The following NAALADL2 variants were observed in gnomAD, a reference collection of about 807,000 sequenced individuals.
NAALADL2 encodes the protein inactive N-acetylated-alpha-linked acidic dipeptidase-like protein 2.
A neutral mutation model predicts 87.2 loss-of-function variants in NAALADL2; 76 were observed. The observed-to-expected ratio is 0.87, with a 90% CI of 0.72 to 1.05. The LOEUF (loss-of-function observed/expected upper bound fraction) is 1.05, where lower values mean the gene tolerates loss of function less well. Among genes scored for constraint, NAALADL2 ranks in the 50% least tolerant of loss-of-function variants. The pLI is 0.00. For synonymous variants in NAALADL2, 354 were observed against 331.0 expected (o/e 1.07, Z -0.75); for missense variants, 1,089 against 945.8 (o/e 1.15, Z -1.99).
rs1581410892 is a variant in NAALADL2 at position 175,321,908 on chromosome 3, C to T, written c.940-2267C>T. Among the ~76,000 whole-genome samples the T allele has an allele frequency of 3.3e-4, 48 of 145,650 alleles. No homozygotes were observed. In the South Asian group the frequency reaches 0.011, roughly 33 times the overall value. On this transcript the variant is annotated intron_variant, in intron 4 of 13. Coordinates refer to ENST00000454872, the MANE Select transcript of NAALADL2 (RefSeq NM_207015.3). ...AATCAATATCGTGAAAATGGCCATACTGCCCAAGGTAATTTACAGATTCAA... is the reference window on the plus strand; with the variant it reads ...AATCAATATCGTGAAAATGGCCATATTGCCCAAGGTAATTTACAGATTCAA...
chr3:175,219,076 G>A (rs1050412983), intron 2 of NAALADL2, among the ~76,000 whole-genome samples: 1 of 151,908 alleles, frequency 6.6e-6, no homozygotes, highest in African/African-American at 2.4e-5. Flanking sequence ...TTTTACTCTT[G>A]TGAGTAATGT....
rs140114964 is a variant in NAALADL2 at position 175,677,808 on chromosome 3, T to C, written c.1896+50422T>C. 1.2e-3 allele frequency among the ~76,000 whole-genome samples: 179 copies of C among 152,336 alleles called. 1 individual carries two copies. The East Asian group carries it at 0.034, about 29-fold the overall frequency. ...AAGTGAAGGAGCGAGTTTATGAATT[T>C]AATGATTATAGATGGCCAATCTGAA... On this transcript the variant is annotated intron_variant, in intron 11 of 13. Coordinates refer to ENST00000454872, the MANE Select transcript of NAALADL2 (RefSeq NM_207015.3).
chr3:175,387,466 C>A (rs1179509599), intron 5 of NAALADL2, among the ~76,000 whole-genome samples: 1 of 152,036 alleles, frequency 6.6e-6, no homozygotes, highest in East Asian at 1.9e-4. Context: ...TACATTACTT[C>A]TCTAGCAACC....
At chr3:175,717,311 C>T (rs1403190710) in intron 11 of NAALADL2, among the ~76,000 whole-genome samples, 1 of 152,106 alleles carries the variant, frequency 6.6e-6, no homozygotes, top group African/African-American at 2.4e-5. Context: ...ATTTTGAATC[C>T]TTCACTAAAT....
chr3:174,465,322 T>C (rs1577967642), intron 1 of NAALADL2, among the ~76,000 whole-genome samples: 1 of 152,144 alleles, frequency 6.6e-6, no homozygotes, highest in Non-Finnish European at 1.5e-5. Flanking sequence ...AGTGATTGTC[T>C]CCCAAGCCGG....
At chr3:175,514,872 T>C (rs1400825141) in intron 9 of NAALADL2, among the ~76,000 whole-genome samples, 2 of 152,318 alleles carry the variant, frequency 1.3e-5, no homozygotes, top group East Asian at 1.9e-4. Context: ...AGGATTTTGA[T>C]ATTTTCTAAG....
chr3:175,583,010 G>C (rs1720000672), intron 10 of NAALADL2, among the ~76,000 whole-genome samples: 1 of 151,912 alleles, frequency 6.6e-6, no homozygotes, highest in Non-Finnish European at 1.5e-5. Flanking sequence ...ACTTACAGTG[G>C]GGTTACAGCC....
chr3:175,417,613 C>T (rs1363611931), intron 5 of NAALADL2, among the ~76,000 whole-genome samples: 1 of 151,974 alleles, frequency 6.6e-6, no homozygotes, highest in African/African-American at 2.4e-5. Context: ...TAAGCTTTAT[C>T]TCATTGGCAC....
chr3:175,431,528 G>T (rs147492875), intron 5 of NAALADL2, among the ~76,000 whole-genome samples: 1 of 151,990 alleles, frequency 6.6e-6, no homozygotes, highest in Admixed American at 6.6e-5. Context: ...TAAGTATTAG[G>T]CAGCTTTTAT....
At chr3:175,628,065 C>T (rs879023770) in intron 11 of NAALADL2, among the ~76,000 whole-genome samples, 21 of 151,752 alleles carry the variant, frequency 1.4e-4, no homozygotes, top group South Asian at 8.3e-4. Flanking sequence ...TACAGATGTC[C>T]CCCAACTTGT....
chr3:174,703,030 A>G (rs1729704245), intron 2 of NAALADL2, among the ~76,000 whole-genome samples: 1 of 152,228 alleles, frequency 6.6e-6, no homozygotes. Flanking sequence ...AAAATAGAAA[A>G]TATTAAAAGT....
chr3:174,970,555 C>G (rs1213039982), intron 1 of NAALADL2, among the ~76,000 whole-genome samples: 1 of 152,158 alleles, frequency 6.6e-6, no homozygotes. Flanking sequence ...GTGCTATCCT[C>G]TATTCATTAA....
At chr3:175,532,153 C>A (rs1359840357) in intron 9 of NAALADL2, among the ~76,000 whole-genome samples, 2 of 152,130 alleles carry the variant, frequency 1.3e-5, no homozygotes, top group Non-Finnish European at 2.9e-5. Context: ...CACTGTAAGT[C>A]ACACCTGAGC....
intron 9 of NAALADL2, among the ~76,000 whole-genome samples, chr3:175,570,115 G>A (rs954482885): frequency 6.6e-6 from 1 of 152,158 alleles, no homozygotes; most frequent in African/African-American, 2.4e-5. Context: ...ACAGGCTTGA[G>A]ACTCTTAAAA....
At chr3:174,734,657 A>C (rs2108992548) in intron 2 of NAALADL2, among the ~76,000 whole-genome samples, 1 of 152,246 alleles carries the variant, frequency 6.6e-6, no homozygotes, top group Middle Eastern at 3.4e-3. Context: ...GGTTGCATTT[A>C]ATTCATGTAT....
At chr3:174,477,006 A>G (rs1717255071) in intron 1 of NAALADL2, among the ~76,000 whole-genome samples, 2 of 152,048 alleles carry the variant, frequency 1.3e-5, no homozygotes, top group South Asian at 4.1e-4. Context: ...ATGACTTGTA[A>G]TTACTATTAA....
intron 1 of NAALADL2, among the ~76,000 whole-genome samples, chr3:175,039,457 G>GC (rs1453396221): frequency 1.3e-5 from 2 of 152,072 alleles, no homozygotes; most frequent in Non-Finnish European, 2.9e-5. Flanking sequence ...CCTCCTTTAT[G>GC]CAGCTCTTCC....
intron 2 of NAALADL2, among the ~76,000 whole-genome samples, chr3:174,690,032 C>T (rs1039641435): frequency 6.6e-6 from 1 of 151,496 alleles, no homozygotes; most frequent in Non-Finnish European, 1.5e-5. Flanking sequence ...ATAACTAAGT[C>T]AAAATGTGGT....
intron 9 of NAALADL2, among the ~76,000 whole-genome samples, chr3:175,473,163 A>G (rs1419462387): frequency 6.6e-6 from 1 of 152,168 alleles, no homozygotes; most frequent in East Asian, 1.9e-4. Context: ...ATGCTATTTA[A>G]AATATCTTTG....
Sources: gnomAD v4.1 joint callset for allele counts (sites outside exome capture counted in the v4.1 genomes callset) on GRCh38, gnomAD v4.1.1 for gene constraint, MANE v1.5 for transcripts, NCBI Gene and HGNC (gene_info 2026-07-23, HGNC 2026-07-21) for gene names.